Variants in DLG2 observed in about 807,000 individuals in gnomAD.
DLG2 encodes the protein discs large MAGUK scaffold protein 2, also known as disks large homolog 2.
Under a neutral mutation model 132.5 loss-of-function variants are expected in DLG2, and 45 were observed. The observed-to-expected ratio is 0.34, with a 90% confidence interval of 0.27 to 0.44. The LOEUF (loss-of-function observed/expected upper bound fraction) is 0.44, where lower values mean the gene tolerates loss of function less well. Among genes scored for constraint, DLG2 ranks in the 20% least tolerant of loss-of-function variants. The pLI is 1.00. For missense variants in DLG2, 1,045 were observed against 1,196.9 expected, an observed-to-expected ratio of 0.87 and a Z score of 1.87; for synonymous variants, 424 against 419.6, an observed-to-expected ratio of 1.01 and a Z score of -0.13.
Position 83,952,192 on chromosome 11 carries a change from A to C in DLG2, c.1340+10693T>G, listed in dbSNP as rs1591709498. On this transcript the variant is annotated intron_variant, in intron 14 of 27. Transcript: ENST00000376104. The stretch of plus-strand genomic sequence containing the variant: ...GAAACCCTGTCTCTACAAAAAATGC[A>C]AAAATTAGCCCAGCGTGGTGGCATA... Among the ~76,000 whole-genome samples, 3 of 152,230 alleles carry C rather than the reference A, an allele frequency of 2.0e-5. No homozygotes were observed. In the South Asian group the frequency reaches 6.2e-4, roughly 32 times the overall value.
At chr11:85,430,363 A>T (rs2091089228) in intron 3 of DLG2, among the ~76,000 whole-genome samples, 5 of 151,760 alleles carry the variant, frequency 3.3e-5, no homozygotes, top group Admixed American at 3.3e-4. Context: ...AAAAAAAAAG[A>T]AAAAGAAAGA....
At position 84,992,036 on chromosome 11, in the gene DLG2, C is replaced by T. The variant is rs544733660; in HGVS notation, c.357+119625G>A. 2.0e-5 allele frequency among the ~76,000 whole-genome samples: 3 copies of T among 152,168 alleles called. No homozygotes were observed. In the East Asian group the frequency reaches 5.8e-4, roughly 29 times the overall value. ...CTAAGTTTTAAATCCATTTTTCTTT[C>T]TACCAATGGCCTTTCCACATGCTGC... On this transcript the variant is annotated intron_variant, in intron 6 of 27. Coordinates refer to ENST00000376104, the MANE Select transcript of DLG2 (RefSeq NM_001142699.3).
intron 6 of DLG2, among the ~76,000 whole-genome samples, chr11:85,059,171 C>A (rs2063768295): frequency 6.6e-6 from 1 of 150,730 alleles, no homozygotes; most frequent in Non-Finnish European, 1.5e-5. Context: ...AAAGAAAACC[C>A]AGACCGATAA....
intron 7 of DLG2, among the ~76,000 whole-genome samples, chr11:84,295,135 T>G (rs977905585): frequency 2.0e-4 from 31 of 152,168 alleles, no homozygotes; most frequent in African/African-American, 7.2e-4. Context: ...CAGTGACTCT[T>G]TGGACTCAGA....
chr11:85,376,680 A>T (rs546689420), intron 3 of DLG2, among the ~76,000 whole-genome samples: 1 of 152,340 alleles, frequency 6.6e-6, no homozygotes, highest in African/African-American at 2.4e-5. Flanking sequence ...AAGTACAGAA[A>T]ATTCCTTACG....
Position 84,846,371 on chromosome 11 carries a change from C to A in DLG2, c.357+265290G>T, listed in dbSNP as rs546793858. 8.5e-5 allele frequency among the ~76,000 whole-genome samples: 13 copies of A among 152,268 alleles called. No homozygotes were observed. In the South Asian group the frequency reaches 2.5e-3, roughly 29 times the overall value. ...GAACCATCTTTCATTCTGTTACATA[C>A]GCCTGTAAACTAAGAATCACTCCTA... On this transcript the variant is annotated intron_variant, in intron 6 of 27. Transcript: ENST00000376104.
At chr11:84,589,390 C>T (rs1312805062) in intron 6 of DLG2, among the ~76,000 whole-genome samples, 1 of 152,112 alleles carries the variant, frequency 6.6e-6, no homozygotes, top group Non-Finnish European at 1.5e-5. Flanking sequence ...GCACTTCTGT[C>T]TCCATGAAAA....
intron 27 of DLG2, among the ~76,000 whole-genome samples, chr11:83,460,347 A>G (rs1010717494): frequency 6.6e-5 from 10 of 152,220 alleles, no homozygotes; most frequent in African/African-American, 2.2e-4. Flanking sequence ...TGGCAGCAGC[A>G]GAAATTCAGA....
chr11:83,641,310 C>T (rs180716081), intron 18 of DLG2, among the ~76,000 whole-genome samples: 1 of 152,254 alleles, frequency 6.6e-6, no homozygotes, highest in Admixed American at 6.5e-5. Flanking sequence ...CAAATAGTCA[C>T]ACATAAGAGG....
In DLG2 at chr11:83,596,922, G is replaced by T. The variant is rs76260980; in HGVS notation, c.1940+36289C>A. On this transcript the variant is annotated intron_variant, in intron 19 of 27. Transcript: ENST00000376104. ...TAAAATTAATTGTTCTCCTCTCTCAGTTCTCATAGCTTTTAGTTCCTACCT... is the reference window on the plus strand; with the variant it reads ...TAAAATTAATTGTTCTCCTCTCTCATTTCTCATAGCTTTTAGTTCCTACCT... Among the ~76,000 whole-genome samples, 1,466 of 152,010 alleles carry T rather than the reference G, an allele frequency of 9.6e-3. 13 individuals carry two copies. The highest frequency in any genetic ancestry group is 0.03 in the African/African-American group (1,235 of 41,456).
chr11:85,038,068 T>C (rs1280148287), intron 6 of DLG2, among the ~76,000 whole-genome samples: 1 of 152,060 alleles, frequency 6.6e-6, no homozygotes, highest in African/African-American at 2.4e-5. Flanking sequence ...ATGTAAATAT[T>C]TTGTGTAGAG....
upstream of DLG2, chr11:85,627,949 C>T (rs1359130671): frequency 2.0e-5 from 3 of 152,762 alleles, no homozygotes; most frequent in Non-Finnish European, 4.4e-5. Flanking sequence ...AGCGCCAGGC[C>T]TTGCAGTGCC....
intron 4 of DLG2, among the ~76,000 whole-genome samples, chr11:85,264,650 A>C (rs1053437254): frequency 6.6e-6 from 1 of 152,136 alleles, no homozygotes; most frequent in Non-Finnish European, 1.5e-5. Flanking sequence ...GACCAAAACA[A>C]AGCCAAGATA....
rs1004894964 is a variant in DLG2 at position 85,385,760 on chromosome 11, A to G, written c.41-100395T>C. Among the ~76,000 whole-genome samples the G allele has an allele frequency of 3.3e-5, 5 of 152,324 alleles. No individual in the cohort carries two copies. In the East Asian group the frequency reaches 9.6e-4, roughly 29 times the overall value. On this transcript the variant is annotated intron_variant, in intron 3 of 27. Transcript: ENST00000376104. ...GATTTTTGAATGATGCAAGAAAGAA[A>G]GAGAGAATAATAGAAACAACAGGTG...
chr11:85,060,510 T>C (rs969582104), intron 6 of DLG2, among the ~76,000 whole-genome samples: 9 of 150,980 alleles, frequency 6.0e-5, no homozygotes, highest in African/African-American at 2.2e-4. Context: ...TGTATATGTG[T>C]GTGTGTGTAT....
chr11:83,728,691 C>T (rs2090466445), intron 18 of DLG2, among the ~76,000 whole-genome samples: 1 of 152,232 alleles, frequency 6.6e-6, no homozygotes, highest in Admixed American at 6.5e-5. Flanking sequence ...CTAAGCAGTT[C>T]TGGGGCAAGG....
intron 19 of DLG2, among the ~76,000 whole-genome samples, chr11:83,564,172 CAT>C (rs1170809938): frequency 1.3e-5 from 2 of 151,228 alleles, no homozygotes; most frequent in Admixed American, 1.3e-4. Flanking sequence ...AAATTTGAAA[CAT>C]ATGAATATCC....
At chr11:83,669,755 CA>C (rs1566441423) in intron 18 of DLG2, among the ~76,000 whole-genome samples, 2 of 152,126 alleles carry the variant, frequency 1.3e-5, no homozygotes, top group Non-Finnish European at 2.9e-5. Flanking sequence ...GACAAACAAA[CA>C]TGAAAAGCTA....
At chr11:84,497,974 G>T (rs2099189937) in intron 7 of DLG2, among the ~76,000 whole-genome samples, 1 of 152,104 alleles carries the variant, frequency 6.6e-6, no homozygotes, top group Admixed American at 6.5e-5. Flanking sequence ...GGCACTCATG[G>T]TAAGAAAGCA....
Sources: allele counts gnomAD v4.1 joint callset (sites outside exome capture counted in the v4.1 genomes callset), GRCh38; gene constraint gnomAD v4.1.1; transcripts MANE v1.5; gene names NCBI Gene and HGNC (gene_info 2026-07-23, HGNC 2026-07-21).